The following IL22RA1 variants were observed in gnomAD, a reference collection of about 807,000 sequenced individuals.
IL22RA1 encodes the protein interleukin 22 receptor subunit alpha 1, also known as interleukin-22 receptor subunit alpha-1.
In IL22RA1, 25 loss-of-function variants were observed where a neutral mutation model predicts 32.8. The ratio of observed to expected loss-of-function variants is 0.76; its 90% CI spans 0.55 to 1.06. The LOEUF is 1.06. Ranked by LOEUF, IL22RA1 falls within the 50% of genes least tolerant of loss-of-function variation. The probability of loss-of-function intolerance (pLI) is 0.00; values close to 1 mark genes in which losing one functional copy is unlikely to be tolerated. For missense variants in IL22RA1, 709 were observed against 727.4 expected, an observed-to-expected ratio of 0.97 and a Z score of 0.29; for synonymous variants, 305 against 305.0, an observed-to-expected ratio of 1.00 and a Z score of 0.00.
chr1:24,123,093 C>T (rs752792109), intron 6 of IL22RA1, among the ~76,000 whole-genome samples: 9 of 152,214 alleles, frequency 5.9e-5, no homozygotes, highest in Non-Finnish European at 1.2e-4. Flanking sequence ...GTCTACTATT[C>T]CTGATCACCC....
chr1:24,131,792 A>G (rs1047083200), intron 4 of IL22RA1, among the ~76,000 whole-genome samples: 34 of 152,264 alleles, frequency 2.2e-4, no homozygotes, highest in African/African-American at 7.0e-4. Flanking sequence ...AGCGCACTCC[A>G]CCAACCAACT....
chr1:24,135,603 A>G (rs1644236103), intron 3 of IL22RA1, among the ~76,000 whole-genome samples: 1 of 152,212 alleles, frequency 6.6e-6, no homozygotes, highest in South Asian at 2.1e-4. Context: ...TTTATAAAGG[A>G]AAGAGGTTTA....
intron 4 of IL22RA1, among the ~76,000 whole-genome samples, chr1:24,133,242 A>G (rs1317989254): frequency 1.3e-5 from 2 of 151,844 alleles, no homozygotes; most frequent in African/African-American, 4.8e-5. Context: ...ATGCCAGGTA[A>G]TATATGCATA....
chr1:24,134,757 T>C, intron 3 of IL22RA1: 1 of 741,046 alleles, frequency 1.3e-6, no homozygotes, highest in Non-Finnish European at 1.6e-6. Context: ...GCTTTGGGGA[T>C]GTCAATGACA....
intron 5 of IL22RA1, among the ~76,000 whole-genome samples, chr1:24,126,241 G>A (rs1271795606): frequency 6.6e-6 from 1 of 152,260 alleles, no homozygotes; most frequent in Admixed American, 6.5e-5. Context: ...GGAAGGGCAT[G>A]CCCCATGCAA....
Position 24,128,176 on chromosome 1 carries a change from C to G in IL22RA1, c.635G>C (p.Ser212Thr), listed in dbSNP as rs1644177823. Residue 212 changes from serine to threonine, a missense_variant, in exon 5 of 7, where the codon AGT (serine) becomes ACT (threonine). Ser to Thr is a moderately conservative substitution (Grantham distance 58). Transcript: ENST00000270800. ...CTTCACTCGGCACATGTAGGGGGCA[C>G]TCTCCTTGGCCCAGGTGGGAACGCA... ...MICVPTWAKE[S>T]APYMCRVKTL... is the part of the protein sequence containing the mutation. 6.3e-7 allele frequency: 1 copy of G among 1,584,530 alleles called. No homozygotes were observed. Among genetic ancestry groups the G allele is most frequent in the African/African-American group, 1.4e-5 (1 of 73,342 alleles).
rs1212889031 is a variant in IL22RA1, at chr1:24,128,227, G to A, written c.584C>T (p.Thr195Ile). ...AATCATGATGGTGCCAAGGAACTCT[G>A]TGTCAGGGGTCAGGCCGAAGAACTC... ...EYEFFGLTPD[T>I]EFLGTIMICV... Residue 195 changes from threonine to isoleucine, a missense_variant, in exon 5 of 7, where the codon ACA becomes ATA. Transcript: ENST00000270800. 1 of 1,610,202 alleles carries A rather than the reference G, an allele frequency of 6.2e-7. No individual in the cohort carries two copies. Among genetic ancestry groups the A allele is most frequent in the Non-Finnish European group, 8.5e-7 (1 of 1,178,296 alleles).
At chr1:24,122,935 G>A (rs1644135153) in intron 6 of IL22RA1, among the ~76,000 whole-genome samples, 1 of 152,284 alleles carries the variant, frequency 6.6e-6, no homozygotes, top group South Asian at 2.1e-4. Flanking sequence ...CCACATGGTG[G>A]TGCCCGGCTG....
chr1:24,127,146 C>T (rs887270093), intron 5 of IL22RA1, among the ~76,000 whole-genome samples: 2 of 152,068 alleles, frequency 1.3e-5, no homozygotes, highest in Non-Finnish European at 2.9e-5. Flanking sequence ...GATTGTGCCA[C>T]TGCACTCCAG....
chr1:24,127,275 T>C (rs1028267908), intron 5 of IL22RA1, among the ~76,000 whole-genome samples: 2 of 151,876 alleles, frequency 1.3e-5, no homozygotes, highest in African/African-American at 4.8e-5. Flanking sequence ...TTAGGCCTCA[T>C]TCCATCCCTC....
intron 5 of IL22RA1, among the ~76,000 whole-genome samples, chr1:24,123,712 G>A (rs1644142509): frequency 6.6e-6 from 1 of 152,208 alleles, no homozygotes; most frequent in Non-Finnish European, 1.5e-5. Flanking sequence ...TTAATTCAGA[G>A]TTCTTGGACT....
intron 4 of IL22RA1, 78 bp from the exon 5 acceptor site, chr1:24,128,357 C>T (rs1644179320): frequency 1.3e-6 from 2 of 1,567,964 alleles, no homozygotes; most frequent in Non-Finnish European, 1.8e-6. Flanking sequence ...CTTGCTCGCT[C>T]CTCCTGGATT....
intron 4 of IL22RA1, 56 bp from the exon 5 acceptor site, chr1:24,128,335 A>G: frequency 6.2e-7 from 1 of 1,606,172 alleles, no homozygotes. Context: ...CTCCACATAG[A>G]GCCCAAGGAA....
At chr1:24,127,751 T>C (rs1644175476) in intron 5 of IL22RA1, among the ~76,000 whole-genome samples, 1 of 152,214 alleles carries the variant, frequency 6.6e-6, no homozygotes, top group Non-Finnish European at 1.5e-5. Flanking sequence ...GCAGAAATGC[T>C]AGTTATCATG....
At position 24,123,432 on chromosome 1, in the gene IL22RA1, C is replaced by T. The variant is rs1239004149; in HGVS notation, c.671-9G>A. On this transcript the variant is annotated splice_polypyrimidine_tract_variant and intron_variant, in intron 5 of 6. Coordinates refer to ENST00000270800, the MANE Select transcript of IL22RA1 (RefSeq NM_021258.4). Reference sequence around the variant, plus strand: ...GTAGGTCCATGTCCGGTCTGGGAAACCAAAGGGGCCAGAGAAGGAAGCGTG... The same window carrying T: ...GTAGGTCCATGTCCGGTCTGGGAAATCAAAGGGGCCAGAGAAGGAAGCGTG... 5 of 1,611,874 alleles carry T rather than the reference C, an allele frequency of 3.1e-6. No individual in the cohort carries two copies.
chr1:24,140,269 G>A (rs961786555), intron 1 of IL22RA1, among the ~76,000 whole-genome samples: 1 of 152,212 alleles, frequency 6.6e-6, no homozygotes, highest in Admixed American at 6.5e-5. Flanking sequence ...TCATCCCAGT[G>A]CTAGACTGGT....
chr1:24,126,177 C>T (rs1317461423), intron 5 of IL22RA1, among the ~76,000 whole-genome samples: 1 of 152,222 alleles, frequency 6.6e-6, no homozygotes, highest in East Asian at 1.9e-4. Context: ...TTTCCTTTTT[C>T]TAGTTCTCCT....
chr1:24,128,393 T>C, intron 4 of IL22RA1, 114 bp from the exon 5 acceptor site: 1 of 1,254,306 alleles, frequency 8.0e-7, no homozygotes, highest in Non-Finnish European at 1.2e-6. Flanking sequence ...TGGGTCTGTC[T>C]TCAGCCTCTG....
Position 24,137,312 on chromosome 1 carries a change from G to A in IL22RA1, c.177-3C>T. 1 of 1,612,950 alleles carries A rather than the reference G, an allele frequency of 6.2e-7. No individual in the cohort carries two copies. Among genetic ancestry groups the A allele is most frequent in the East Asian group, 2.2e-5 (1 of 44,846 alleles). The stretch of plus-strand genomic sequence containing the variant: ...CCACCCAGTCCCTCTCTCCGTACCT[G>A]CAGGTCAGGAAGGGGCCAAGTCACC... On this transcript the variant is annotated splice_polypyrimidine_tract_variant and splice_region_variant and intron_variant, in intron 2 of 6. Coordinates refer to ENST00000270800, the MANE Select transcript of IL22RA1 (RefSeq NM_021258.4).
Sources: gnomAD v4.1 joint callset for allele counts (sites outside exome capture counted in the v4.1 genomes callset) on GRCh38, gnomAD v4.1.1 for gene constraint, MANE v1.5 for transcripts, NCBI Gene and HGNC (gene_info 2026-07-23, HGNC 2026-07-21) for gene names.